The following GAS2 variants were observed in gnomAD, a reference collection of about 807,000 sequenced individuals.
The protein encoded by GAS2 is growth arrest specific 2.
GAS2 carries 20 observed loss-of-function variants against 37.5 expected under a neutral mutation model. That is an observed-to-expected ratio of 0.53 (90% CI 0.37 to 0.77). The LOEUF (loss-of-function observed/expected upper bound fraction) is 0.77. Among genes scored for constraint, GAS2 ranks in the 30% least tolerant of loss-of-function variants. The pLI is 0.00. For missense variants in GAS2, 336 were observed against 373.4 expected, an observed-to-expected ratio of 0.90 and a Z score of 0.82; for synonymous variants, 144 against 132.2, an observed-to-expected ratio of 1.09 and a Z score of -0.61.
At chr11:22,778,575 C>T (rs1317309533) in intron 7 of GAS2, among the ~76,000 whole-genome samples, 6 of 152,124 alleles carry the variant, frequency 3.9e-5, no homozygotes, top group East Asian at 1.9e-4. Context: ...TTGCGAAGAG[C>T]GGGAAAAGCA....
intron 4 of GAS2, among the ~76,000 whole-genome samples, chr11:22,736,191 T>C (rs539420558): frequency 1.3e-5 from 2 of 152,152 alleles, no homozygotes; most frequent in East Asian, 3.9e-4. Context: ...CCTTATGAAG[T>C]TGATATCATT....
chr11:22,689,654 G>A (rs771260522), intron 3 of GAS2, among the ~76,000 whole-genome samples: 5 of 152,220 alleles, frequency 3.3e-5, no homozygotes, highest in African/African-American at 1.2e-4. Flanking sequence ...TTATGAGATT[G>A]TAAGCATGTT....
intron 1 of GAS2, among the ~76,000 whole-genome samples, chr11:22,641,803 T>C (rs113183528): frequency 0.01 from 1,542 of 152,260 alleles, 13 homozygotes; most frequent in Non-Finnish European, 0.016. Flanking sequence ...TCAATCAGTG[T>C]GTTTTCAAAA....
At chr11:22,791,370 C>T (rs1206065661) in intron 7 of GAS2, among the ~76,000 whole-genome samples, 1 of 151,902 alleles carries the variant, frequency 6.6e-6, no homozygotes, top group Non-Finnish European at 1.5e-5. Flanking sequence ...ATGGATAGCA[C>T]ATCTCAGTTT....
intron 7 of GAS2, among the ~76,000 whole-genome samples, chr11:22,783,665 T>C (rs1454509229): frequency 1.3e-5 from 2 of 152,168 alleles, no homozygotes; most frequent in Non-Finnish European, 2.9e-5. Flanking sequence ...TTTTTTGAGT[T>C]AGCACCCCTT....
At chr11:22,637,495 AAT>A (rs1386403063) in intron 1 of GAS2, among the ~76,000 whole-genome samples, 1 of 996 alleles carries the variant, frequency 1.0e-3, no homozygotes, top group Non-Finnish European at 2.2e-3. Context: ...TAATTATATT[AAT>A]AGTATACTTA....
At chr11:22,693,043 T>C (rs770626282) in intron 3 of GAS2, among the ~76,000 whole-genome samples, 5 of 152,164 alleles carry the variant, frequency 3.3e-5, no homozygotes, top group Non-Finnish European at 7.3e-5. Context: ...AGAATGTGTG[T>C]ATTTTATGAA....
intron 7 of GAS2, among the ~76,000 whole-genome samples, chr11:22,804,616 G>T (rs915635613): frequency 9.2e-5 from 14 of 152,106 alleles, no homozygotes; most frequent in African/African-American, 3.4e-4. Flanking sequence ...ATGAAAGTAA[G>T]AGTGGAAATT....
intron 7 of GAS2, among the ~76,000 whole-genome samples, chr11:22,773,040 G>A (rs1223076818): frequency 6.6e-6 from 1 of 152,112 alleles, no homozygotes; most frequent in African/African-American, 2.4e-5. Flanking sequence ...GGAAGTTCCA[G>A]TAGAGTGCTA....
At chr11:22,811,033 G>C (rs1857135509) in intron 7 of GAS2, among the ~76,000 whole-genome samples, 1 of 152,048 alleles carries the variant, frequency 6.6e-6, no homozygotes, top group East Asian at 1.9e-4. Flanking sequence ...TCTGATATTT[G>C]CAAGAAGCCG....
chr11:22,722,011 A>G (rs1851975135), intron 3 of GAS2, among the ~76,000 whole-genome samples: 1 of 151,992 alleles, frequency 6.6e-6, no homozygotes, highest in African/African-American at 2.4e-5. Context: ...TTTTATGAAC[A>G]TCGTATAGCA....
intron 3 of GAS2, among the ~76,000 whole-genome samples, chr11:22,724,650 G>A (rs1316661632): frequency 6.6e-6 from 1 of 151,982 alleles, no homozygotes; most frequent in African/African-American, 2.4e-5. Flanking sequence ...TCTGTATAGA[G>A]TAACCCTATA....
chr11:22,693,168 T>C (rs1232003531), intron 3 of GAS2, among the ~76,000 whole-genome samples: 2 of 152,196 alleles, frequency 1.3e-5, no homozygotes, highest in African/African-American at 4.8e-5. Flanking sequence ...ATGGTCCCTG[T>C]AGGTTATGTC....
chr11:22,781,902 A>G (rs17306251), intron 7 of GAS2, among the ~76,000 whole-genome samples: 20,783 of 152,176 alleles, frequency 0.14, 1,635 homozygotes, highest in Non-Finnish European at 0.17. Flanking sequence ...ACCTTTACCA[A>G]TGGCTATGTT....
intron 7 of GAS2, among the ~76,000 whole-genome samples, chr11:22,763,524 G>C (rs1177935367): frequency 6.6e-6 from 1 of 151,738 alleles, no homozygotes; most frequent in Admixed American, 6.6e-5. Context: ...TAGCAAAGAA[G>C]TTAAAACCTC....
At chr11:22,656,441 G>A (rs1403860167) in intron 1 of GAS2, among the ~76,000 whole-genome samples, 1 of 152,182 alleles carries the variant, frequency 6.6e-6, no homozygotes, top group Non-Finnish European at 1.5e-5. Context: ...AGAAAAAATA[G>A]TACCAAATTG....
intron 3 of GAS2, among the ~76,000 whole-genome samples, chr11:22,706,233 A>G (rs1851110541): frequency 6.6e-6 from 1 of 152,138 alleles, no homozygotes; most frequent in Non-Finnish European, 1.5e-5. Context: ...GGTGGAAATA[A>G]CCACCCAAGT....
intron 3 of GAS2, among the ~76,000 whole-genome samples, chr11:22,705,228 C>G (rs1425087620): frequency 6.6e-6 from 1 of 152,116 alleles, no homozygotes; most frequent in African/African-American, 2.4e-5. Context: ...ACACTGGACT[C>G]CTTGCAATTC....
intron 4 of GAS2, among the ~76,000 whole-genome samples, chr11:22,735,829 G>A (rs1272045826): frequency 6.6e-5 from 10 of 151,648 alleles, no homozygotes; most frequent in Non-Finnish European, 3.0e-5. Flanking sequence ...TGACACTCTT[G>A]TCATCAAGAA....
Sources: allele counts gnomAD v4.1 joint callset (sites outside exome capture counted in the v4.1 genomes callset), GRCh38; gene constraint gnomAD v4.1.1; transcripts MANE v1.5; gene names NCBI Gene and HGNC (gene_info 2026-07-23, HGNC 2026-07-21).